The following AGBL4 variants were observed in gnomAD, a reference collection of about 807,000 sequenced individuals.
AGBL4 encodes the protein cytosolic carboxypeptidase 6.
In AGBL4, 58 loss-of-function variants were observed where a neutral mutation model predicts 66.4. The observed-to-expected ratio is 0.87, with a 90% confidence interval of 0.71 to 1.09. The LOEUF is 1.09. Among genes scored for constraint, AGBL4 ranks in the 50% least tolerant of loss-of-function variants. AGBL4 has a pLI of 0.00. For synonymous variants in AGBL4, 234 were observed against 222.9 expected (o/e 1.05, Z -0.44); for missense variants, 579 against 631.0 (o/e 0.92, Z 0.88).
intron 6 of AGBL4, among the ~76,000 whole-genome samples, chr1:48,841,566 C>A (rs1473177257): frequency 3.9e-5 from 6 of 152,102 alleles, no homozygotes; most frequent in African/African-American, 1.4e-4. Flanking sequence ...CCCTCCAACC[C>A]CCCACCTTAT....
intron 1 of AGBL4, among the ~76,000 whole-genome samples, chr1:49,924,143 C>T (rs1167693721): frequency 3.3e-5 from 5 of 151,906 alleles, no homozygotes; most frequent in African/African-American, 1.2e-4. Context: ...CATGCAGGGA[C>T]AGGGTTGGAG....
intron 3 of AGBL4, among the ~76,000 whole-genome samples, chr1:49,247,197 C>G (rs1051214633): frequency 2.6e-5 from 4 of 151,870 alleles, no homozygotes; most frequent in Non-Finnish European, 4.4e-5. Flanking sequence ...TTTCCAAGGG[C>G]AAAAAATAAA....
Position 49,416,320 on chromosome 1 carries a change from C to T in AGBL4, c.283-170456G>A, listed in dbSNP as rs555165513. On this transcript the variant is annotated intron_variant, in intron 3 of 13. Transcript: ENST00000371839. ...GTTAAACCAGATGCAAAGGTATTAC[C>T]AAATGTTTGAATTTAGAACATCAAT... 1.1e-4 allele frequency among the ~76,000 whole-genome samples: 16 copies of T among 151,970 alleles called. No individual in the cohort carries two copies. In the South Asian group the frequency reaches 3.1e-3, roughly 30 times the overall value.
At chr1:48,961,904 C>G (rs751290266) in intron 5 of AGBL4, among the ~76,000 whole-genome samples, 2 of 152,212 alleles carry the variant, frequency 1.3e-5, no homozygotes, top group Non-Finnish European at 2.9e-5. Context: ...GGGGAAAGTA[C>G]AGTCCTTTCA....
chr1:48,668,202 G>A (rs1570189065), intron 6 of AGBL4, among the ~76,000 whole-genome samples: 2 of 152,104 alleles, frequency 1.3e-5, no homozygotes, highest in South Asian at 4.1e-4. Context: ...ACAAGACATC[G>A]CTGTAGCAAC....
intron 11 of AGBL4, among the ~76,000 whole-genome samples, chr1:48,562,776 T>C (rs1199861630): frequency 6.6e-6 from 1 of 152,218 alleles, no homozygotes; most frequent in African/African-American, 2.4e-5. Flanking sequence ...GTAGCTGAGC[T>C]TGGATTCGAA....
intron 6 of AGBL4, among the ~76,000 whole-genome samples, chr1:48,836,295 C>CAAA (rs33961883): frequency 3.6e-4 from 36 of 100,632 alleles, no homozygotes; most frequent in African/African-American, 1.2e-3. Context: ...TAAGTTTCCT[C>CAAA]AAAAAAAAAA....
At chr1:49,431,752 C>T (rs1336255275) in intron 3 of AGBL4, among the ~76,000 whole-genome samples, 1 of 152,024 alleles carries the variant, frequency 6.6e-6, no homozygotes, top group Admixed American at 6.5e-5. Flanking sequence ...TTAAACTTTA[C>T]ATCTGCTATT....
At chr1:49,576,039 C>T (rs1429538215) in intron 3 of AGBL4, among the ~76,000 whole-genome samples, 4 of 152,196 alleles carry the variant, frequency 2.6e-5, no homozygotes, top group African/African-American at 9.6e-5. Flanking sequence ...AACTAAAATT[C>T]AGGGACCTTC....
chr1:49,982,494 C>G (rs1572006923), intron 1 of AGBL4, among the ~76,000 whole-genome samples: 3 of 152,318 alleles, frequency 2.0e-5, no homozygotes, highest in African/African-American at 7.2e-5. Context: ...CTACAGGCGC[C>G]CCCTCAGCAT....
intron 6 of AGBL4, chr1:48,728,184 T>C: frequency 1.4e-6 from 1 of 725,640 alleles, no homozygotes; most frequent in Non-Finnish European, 2.2e-6. Context: ...ATTTTAAAAT[T>C]TGCATCATAG....
At chr1:48,830,531 T>C (rs1336660386) in intron 6 of AGBL4, among the ~76,000 whole-genome samples, 1 of 152,246 alleles carries the variant, frequency 6.6e-6, no homozygotes, top group Non-Finnish European at 1.5e-5. Flanking sequence ...CCCGATTTTG[T>C]ATCCACAATG....
Position 49,536,365 on chromosome 1 carries a change from T to TGC in AGBL4, c.282+160946_282+160947dup, listed in dbSNP as rs1651582965. On this transcript the variant is annotated intron_variant, in intron 3 of 13. Coordinates refer to ENST00000371839, the MANE Select transcript of AGBL4 (RefSeq NM_032785.4). ...GAGCAGAAATTTTTATCTGTGTGTGTGCGTGTGTGTTCATGTGCATGTGTG... is the reference window on the plus strand; with the variant it reads ...GAGCAGAAATTTTTATCTGTGTGTGTGCGCGTGTGTGTTCATGTGCATGTGTG... Among the ~76,000 whole-genome samples the TGC allele has an allele frequency of 4.6e-5, 7 of 152,322 alleles. No homozygotes were observed. The South Asian group carries it at 1.4e-3, about 32-fold the overall frequency.
At chr1:49,684,275 CA>C (rs1285298865) in intron 3 of AGBL4, among the ~76,000 whole-genome samples, 1 of 152,078 alleles carries the variant, frequency 6.6e-6, no homozygotes, top group Non-Finnish European at 1.5e-5. Flanking sequence ...GTAGATCAGC[CA>C]AAAACCCATA....
At chr1:49,289,305 G>T (rs1415373121) in intron 3 of AGBL4, among the ~76,000 whole-genome samples, 1 of 152,060 alleles carries the variant, frequency 6.6e-6, no homozygotes, top group African/African-American at 2.4e-5. Context: ...ACATATGCTG[G>T]CATACTATGC....
At chr1:48,596,781 A>G (rs954443767) in intron 9 of AGBL4, among the ~76,000 whole-genome samples, 1 of 152,146 alleles carries the variant, frequency 6.6e-6, no homozygotes, top group Non-Finnish European at 1.5e-5. Flanking sequence ...GAAGTGGCAC[A>G]GTGAAGGCTT....
chr1:49,754,339 C>A (rs1651721232), intron 2 of AGBL4, among the ~76,000 whole-genome samples: 1 of 150,410 alleles, frequency 6.6e-6, no homozygotes, highest in African/African-American at 2.5e-5. Context: ...GGTACATGTG[C>A]ACATTGTGCA....
At chr1:48,942,313 G>C (rs56340330) in intron 5 of AGBL4, among the ~76,000 whole-genome samples, 13 of 76,290 alleles carry the variant, frequency 1.7e-4, no homozygotes, top group South Asian at 4.0e-4. Context: ...ATTGTGGTGG[G>C]GGGGGGGGGT....
intron 2 of AGBL4, among the ~76,000 whole-genome samples, chr1:49,825,725 C>G (rs1168275440): frequency 6.6e-6 from 1 of 152,176 alleles, no homozygotes; most frequent in Non-Finnish European, 1.5e-5. Context: ...ATTCTGCCAG[C>G]AGATGGCCTT....
Sources: allele counts gnomAD v4.1 joint callset (sites outside exome capture counted in the v4.1 genomes callset), GRCh38; gene constraint gnomAD v4.1.1; transcripts MANE v1.5; gene names NCBI Gene and HGNC (gene_info 2026-07-23, HGNC 2026-07-21).